Variants in ZCCHC14 observed in about 807,000 individuals in gnomAD.
The protein encoded by ZCCHC14 is zinc finger CCHC domain-containing protein 14.
Under a neutral mutation model 85.0 loss-of-function variants are expected in ZCCHC14, and 16 were observed. The observed-to-expected ratio is 0.19, with a 90% CI of 0.13 to 0.29. ZCCHC14 has a LOEUF of 0.29. ZCCHC14 is among the 10% of genes least tolerant of loss of function. The pLI, the probability that ZCCHC14 is intolerant of heterozygous loss-of-function variation, is 1.00. For missense variants in ZCCHC14, 1,303 were observed against 1,443.5 expected (o/e 0.90, Z 1.58); for synonymous variants, 775 against 630.7 (o/e 1.23, Z -3.43).
Position 87,411,106 on chromosome 16 carries a change from C to T in ZCCHC14, c.3205+410G>A, listed in dbSNP as rs554866685. Among the ~76,000 whole-genome samples, 6 of 152,354 alleles carry T rather than the reference C, an allele frequency of 3.9e-5. No individual in the cohort carries two copies. The East Asian group carries it at 7.7e-4, about 20-fold the overall frequency. On this transcript the variant is annotated intron_variant, in intron 12 of 12. Transcript: ENST00000671377. ...TGACAGCCCCCCACACCCACAGCCGCGCCGGCAGGGAGGGGCAGAGGGGAC... is the reference window on the plus strand; with the variant it reads ...TGACAGCCCCCCACACCCACAGCCGTGCCGGCAGGGAGGGGCAGAGGGGAC...
At chr16:87,456,620 T>C (rs201981325) in intron 2 of ZCCHC14, among the ~76,000 whole-genome samples, 11 of 150,324 alleles carry the variant, frequency 7.3e-5, no homozygotes, top group African/African-American at 2.0e-4. Flanking sequence ...TTGGTTGGGA[T>C]AGATTTTGTT....
intron 1 of ZCCHC14, among the ~76,000 whole-genome samples, chr16:87,482,468 G>A (rs1441889120): frequency 1.3e-5 from 2 of 152,178 alleles, no homozygotes; most frequent in Non-Finnish European, 2.9e-5. Flanking sequence ...GCACACCCAG[G>A]CTGCAGAAGC....
At chr16:87,442,881 A>T (rs981942990) in intron 2 of ZCCHC14, among the ~76,000 whole-genome samples, 16 of 152,222 alleles carry the variant, frequency 1.1e-4, no homozygotes, top group African/African-American at 3.6e-4. Context: ...GCAAATAACT[A>T]CCAACTGTAA....
At chr16:87,450,114 GA>G (rs1446913284) in intron 2 of ZCCHC14, among the ~76,000 whole-genome samples, 1 of 152,154 alleles carries the variant, frequency 6.6e-6, no homozygotes, top group African/African-American at 2.4e-5. Flanking sequence ...TCATATACAA[GA>G]CAACCAAATG....
chr16:87,442,905 C>A (rs4240795), intron 2 of ZCCHC14, among the ~76,000 whole-genome samples: 2 of 152,066 alleles, frequency 1.3e-5, no homozygotes, highest in Non-Finnish European at 2.9e-5. Context: ...TACATCCAGT[C>A]AAGGTGAAAT....
intron 10 of ZCCHC14, among the ~76,000 whole-genome samples, chr16:87,413,676 C>CT (rs1279503165): frequency 6.6e-6 from 1 of 152,164 alleles, no homozygotes; most frequent in Non-Finnish European, 1.5e-5. Context: ...GTGTCCCGCC[C>CT]TTTCTGAGAG....
chr16:87,479,801 C>T (rs1299704963), intron 1 of ZCCHC14, among the ~76,000 whole-genome samples: 1 of 152,184 alleles, frequency 6.6e-6, no homozygotes, highest in African/African-American at 2.4e-5. Flanking sequence ...CATCATGATG[C>T]CACGCGGCTT....
chr16:87,435,741 C>T (rs757935448), intron 2 of ZCCHC14, among the ~76,000 whole-genome samples: 8 of 152,234 alleles, frequency 5.3e-5, no homozygotes, highest in East Asian at 1.9e-4. Flanking sequence ...GGAGTCCACT[C>T]GCTTTAGAGT....
chr16:87,454,745 T>C (rs1477300785), intron 2 of ZCCHC14, among the ~76,000 whole-genome samples: 2 of 152,248 alleles, frequency 1.3e-5, no homozygotes, highest in East Asian at 1.9e-4. Context: ...TCCTTTTCCT[T>C]TCTTAGAATA....
intron 8 of ZCCHC14, among the ~76,000 whole-genome samples, chr16:87,416,212 C>T (rs1189055717): frequency 1.3e-5 from 2 of 151,816 alleles, no homozygotes; most frequent in African/African-American, 2.4e-5. Flanking sequence ...AGGCGTGAGC[C>T]ACCGCACCTG....
At chr16:87,448,246 T>C (rs1910531845) in intron 2 of ZCCHC14, among the ~76,000 whole-genome samples, 2 of 152,206 alleles carry the variant, frequency 1.3e-5, no homozygotes, top group South Asian at 4.1e-4. Context: ...AAAACTTGGC[T>C]TGCCACAGTC....
chr16:87,460,283 T>C (rs935158604), intron 1 of ZCCHC14, 152 bp from the exon 2 acceptor site: 3 of 1,164,398 alleles, frequency 2.6e-6, no homozygotes, highest in African/African-American at 1.5e-5. Context: ...CCAAGAAAGA[T>C]GAAAATTTCA....
rs769416913 is a variant in ZCCHC14, at chr16:87,477,120, C to CAAAAAAAA, written c.570+14541_570+14548dup. 3.4e-3 allele frequency among the ~76,000 whole-genome samples: 138 copies of CAAAAAAAA among 40,536 alleles called. 10 individuals are homozygous for CAAAAAAAA. The highest frequency in any genetic ancestry group is 0.017 in the African/African-American group (121 of 6,942). 26.6% of individuals were successfully genotyped at this position (40,536 alleles called of 152,430 possible). On this transcript the variant is annotated intron_variant, in intron 1 of 12. Transcript: ENST00000671377. ...AGCCTGACAGAGAGAGACTCAGTCT[C>CAAAAAAAA]AAAAAAAAAAAAAAAAAAAAACAAA...
At chr16:87,421,644 T>C (rs1909101426) in intron 4 of ZCCHC14, among the ~76,000 whole-genome samples, 1 of 152,014 alleles carries the variant, frequency 6.6e-6, no homozygotes, top group African/African-American at 2.4e-5. Context: ...TGCCCTGCTG[T>C]GTGCCACAGG....
At chr16:87,411,401 C>T (rs754073458) in intron 12 of ZCCHC14, 115 bp downstream of exon 12, 4 of 1,524,454 alleles carry the variant, frequency 2.6e-6, no homozygotes, top group East Asian at 2.3e-5. Context: ...TTTCAAAGAG[C>T]ATTCGAAAAA....
chr16:87,440,761 C>T (rs1411585348), intron 2 of ZCCHC14, among the ~76,000 whole-genome samples: 1 of 152,022 alleles, frequency 6.6e-6, no homozygotes, highest in African/African-American at 2.4e-5. Context: ...CATGCATCAC[C>T]ATGCCCAGCC....
intron 10 of ZCCHC14, among the ~76,000 whole-genome samples, chr16:87,413,658 C>A (rs568561977): frequency 6.6e-6 from 1 of 152,186 alleles, no homozygotes; most frequent in East Asian, 1.9e-4. Context: ...ACGGAGCAAG[C>A]GCGCCAGGTG....
rs573016889 is a variant in ZCCHC14 at position 87,407,449 on chromosome 16, G to A, written c.*2831C>T. ...GTTTTTATGTTAAACACTTCCAACT[G>A]TCAGTATTACCATGAAATCAACATT... On this transcript the variant is annotated 3_prime_UTR_variant, in exon 13 of 13. Transcript: ENST00000671377. 1 of 152,266 alleles carries A rather than the reference G, an allele frequency of 6.6e-6. No homozygotes were observed. Among genetic ancestry groups the A allele is most frequent in the South Asian group, 2.1e-4 (1 of 4,820 alleles). The allele number at this position is 152,266 out of a possible 1,614,324, so 9.4% of individuals were successfully genotyped here.
At position 87,491,640 on chromosome 16, in the gene ZCCHC14, A is replaced by G. The variant is rs377096475; in HGVS notation, c.570+29T>C. 1.4e-6 allele frequency: 2 copies of G among 1,382,142 alleles called. No individual in the cohort carries two copies. Among genetic ancestry groups the G allele is most frequent in the Non-Finnish European group, 1.9e-6 (2 of 1,072,828 alleles). The allele number at this position is 1,382,142 out of a possible 1,614,324, so 85.6% of individuals were successfully genotyped here. A position where few individuals can be genotyped will look rare whatever the true frequency, so the allele number is the denominator to read the frequency against. On this transcript the variant is annotated intron_variant, in intron 1 of 12. Transcript: ENST00000671377. The surrounding 1 kb of genome is among the most constrained non-coding windows in gnomAD (Gnocchi z 5.9). ...AGAGTTGGGGATGCAGACTTGGGGT[A>G]CAGGGCAGAGCTCGGGGCGGGCACG...
Sources: gnomAD v4.1 joint callset for allele counts (sites outside exome capture counted in the v4.1 genomes callset) on GRCh38, gnomAD v4.1.1 for gene constraint, Gnocchi (gnomAD v3.1) non-coding constraint, MANE v1.5 for transcripts, NCBI Gene and HGNC (gene_info 2026-07-23, HGNC 2026-07-21) for gene names.